The following PRPF6 variants were observed in gnomAD, a reference collection of about 807,000 sequenced individuals.
PRPF6 encodes pre-mRNA processing factor 6.
In PRPF6, 42 loss-of-function variants were observed where a neutral mutation model predicts 118.3. That is an observed-to-expected ratio of 0.35 (90% confidence interval 0.28 to 0.46). PRPF6 has a LOEUF of 0.46. Ranked by LOEUF, PRPF6 falls within the 20% of genes least tolerant of loss-of-function variation. The probability of loss-of-function intolerance (pLI) is 1.00; values close to 1 mark genes in which losing one functional copy is unlikely to be tolerated. For missense variants in PRPF6, 662 were observed against 1,255.7 expected, an observed-to-expected ratio of 0.53 and a Z score of 7.15; for synonymous variants, 481 against 485.1, an observed-to-expected ratio of 0.99 and a Z score of 0.11.
rs112777063 is a variant in PRPF6, at chr20:64,030,997, C to T, written c.2547-921C>T. Among the ~76,000 whole-genome samples, 1,416 of 152,370 alleles carry T rather than the reference C, an allele frequency of 9.3e-3. 30 individuals are homozygous for T. The highest frequency in any genetic ancestry group is 0.032 in the African/African-American group (1,342 of 41,584). On this transcript the variant is annotated intron_variant, in intron 19 of 20. Coordinates refer to ENST00000266079, the MANE Select transcript of PRPF6 (RefSeq NM_012469.4). ...GCCAGCATGCTCAGCAGCCAGCGCC[C>T]GCCATCCCTTCTCCAGCAGCGGGTG...
chr20:63,982,118 G>A (rs2059072036), intron 1 of PRPF6, among the ~76,000 whole-genome samples: 1 of 152,084 alleles, frequency 6.6e-6, no homozygotes, highest in Non-Finnish European at 1.5e-5. Flanking sequence ...GGCCTTGAGC[G>A]TCAGGCTAGA....
intron 3 of PRPF6, among the ~76,000 whole-genome samples, chr20:63,985,828 TGAA>T (rs2059090647): frequency 1.3e-5 from 2 of 152,186 alleles, no homozygotes; most frequent in Non-Finnish European, 2.9e-5. Context: ...ACCAAATATT[TGAA>T]GAAGAACTAA....
At chr20:64,020,121 AATCCTTTC>A (rs1330617093) in intron 12 of PRPF6, among the ~76,000 whole-genome samples, 1 of 152,184 alleles carries the variant, frequency 6.6e-6, no homozygotes, top group African/African-American at 2.4e-5. Flanking sequence ...TTGGTACAAG[AATCCTTTC>A]AGCGGCCGGG....
chr20:63,996,748 G>A (rs2059142574), intron 6 of PRPF6, among the ~76,000 whole-genome samples: 1 of 152,134 alleles, frequency 6.6e-6, no homozygotes, highest in Non-Finnish European at 1.5e-5. Flanking sequence ...GCAACATGGT[G>A]ATGGTGAGAC....
rs752589974 is a variant in PRPF6, at chr20:63,999,089, C to T, written c.816C>T (p.Gly272=). The change falls in exon 7 of 21, where the codon GGC becomes GGT. Residue 272 remains glycine, a synonymous_variant. Transcript: ENST00000266079. ...GACAGACCGTCGTTGACCCCAAAGG[C>T]TACCTGACGGATTTAAATTCCATGA... ...VSGQTVVDPK[G]YLTDLNSMIP... The T allele has an allele frequency of 6.8e-6, 11 of 1,613,960 alleles. No homozygotes were observed. The highest frequency in any genetic ancestry group is 9.3e-6 in the Non-Finnish European group (11 of 1,179,956).
At chr20:64,018,699 C>G (rs1171697764) in intron 12 of PRPF6, among the ~76,000 whole-genome samples, 1 of 152,082 alleles carries the variant, frequency 6.6e-6, no homozygotes, top group East Asian at 1.9e-4. Flanking sequence ...CTCCTGGCCT[C>G]AAGTGATCCC....
At chr20:64,000,943 T>G in intron 8 of PRPF6, 134 bp from the exon 9 acceptor site, 1 of 847,176 alleles carries the variant, frequency 1.2e-6, no homozygotes, top group East Asian at 2.6e-5. Flanking sequence ...CTGGTGCAGG[T>G]GTGTTAGAGG....
At chr20:63,993,300 C>T in intron 3 of PRPF6, 107 bp from the exon 4 acceptor site, 1 of 540,478 alleles carries the variant, frequency 1.9e-6, no homozygotes, top group Admixed American at 2.4e-5. Flanking sequence ...GATTTAGCTA[C>T]TAAGAGTATG....
Position 63,995,449 on chromosome 20 carries a change from G to C in PRPF6, c.738G>C (p.Ala246=). The change falls in exon 6 of 21, where the codon GCG becomes GCC. Residue 246 remains alanine, a synonymous_variant. Transcript: ENST00000266079. ...GELDMRKIGQ[A]RNTLMDMRLS... ...TGGACATGAGGAAGATTGGCCAAGC[G>C]AGGAACACTCTGATGGACATGAGGC... 3 of 1,614,134 alleles carry C rather than the reference G, an allele frequency of 1.9e-6. No individual in the cohort carries two copies. Among genetic ancestry groups the C allele is most frequent in the African/African-American group, 2.7e-5 (2 of 75,016 alleles).
chr20:64,011,124 T>C lies in PRPF6; in HGVS notation c.1306-161T>C, dbSNP rs1375464560. ...AAGCATAAAGGAACAGTTGGTCAGG[T>C]GAGAAGTGCTGCTGTGGACACTTCT... On this transcript the variant is annotated intron_variant, in intron 10 of 20. Transcript: ENST00000266079. This position sits in a 1 kb window ranked among gnomAD's most constrained non-coding sequence, Gnocchi z 6.7. 4.6e-5 allele frequency among the ~76,000 whole-genome samples: 7 copies of C among 152,196 alleles called. No individual in the cohort carries two copies. The highest frequency in any genetic ancestry group is 7.3e-5 in the Non-Finnish European group (5 of 68,044).
chr20:63,992,577 G>A (rs144217337), intron 3 of PRPF6, among the ~76,000 whole-genome samples: 2 of 152,144 alleles, frequency 1.3e-5, no homozygotes, highest in African/African-American at 4.8e-5. Flanking sequence ...TTTATGGGAT[G>A]GTCCTACCTT....
At chr20:63,999,366 A>G (rs530438470) in intron 7 of PRPF6, among the ~76,000 whole-genome samples, 1 of 152,370 alleles carries the variant, frequency 6.6e-6, no homozygotes, top group Non-Finnish European at 1.5e-5. Flanking sequence ...TGGGCAGGAA[A>G]GCAGCTGGCT....
chr20:64,013,942 G>T (rs2059226504), intron 11 of PRPF6, among the ~76,000 whole-genome samples: 1 of 147,218 alleles, frequency 6.8e-6, no homozygotes, highest in African/African-American at 2.5e-5. Flanking sequence ...TTTTGTTTTT[G>T]TTTTTTTTTT....
intron 13 of PRPF6, among the ~76,000 whole-genome samples, chr20:64,023,703 A>G (rs1025327053): frequency 6.6e-6 from 1 of 152,190 alleles, no homozygotes; most frequent in East Asian, 1.9e-4. Context: ...ACGTTTTGAA[A>G]TGGCTGCCAT....
chr20:63,983,368 G>A (rs1325093480), intron 2 of PRPF6, among the ~76,000 whole-genome samples, 153 bp downstream of exon 2: 1 of 152,168 alleles, frequency 6.6e-6, no homozygotes, highest in East Asian at 1.9e-4. Flanking sequence ...AGAGTGAGAG[G>A]GAGCAGGAAA....
intron 9 of PRPF6, among the ~76,000 whole-genome samples, chr20:64,007,359 C>T (rs916177189): frequency 2.0e-5 from 3 of 151,266 alleles, no homozygotes; most frequent in African/African-American, 4.9e-5. Context: ...AGCTCACTTG[C>T]CCTCTCCCCT....
At chr20:63,993,353 T>C in intron 3 of PRPF6, 54 bp from the exon 4 acceptor site, 2 of 1,356,252 alleles carry the variant, frequency 1.5e-6, no homozygotes, top group Non-Finnish European at 2.1e-6. Context: ...GATAATAAAT[T>C]TGCTTCAGAA....
At chr20:63,999,177 C>T in intron 7 of PRPF6, 38 bp downstream of exon 7, 3 of 1,551,022 alleles carry the variant, frequency 1.9e-6, no homozygotes, top group African/African-American at 1.4e-5. Flanking sequence ...GGGATGGAGA[C>T]TCTAGTTGCC....
chr20:64,024,132 T>C (rs1055190741), intron 13 of PRPF6, among the ~76,000 whole-genome samples: 1 of 152,192 alleles, frequency 6.6e-6, no homozygotes, highest in Admixed American at 6.5e-5. Context: ...ACTTTCTTCC[T>C]ATAAGATAAT....
Sources: gnomAD v4.1 joint callset for allele counts (sites outside exome capture counted in the v4.1 genomes callset) on GRCh38, gnomAD v4.1.1 for gene constraint, Gnocchi (gnomAD v3.1) non-coding constraint, MANE v1.5 for transcripts, NCBI Gene and HGNC (gene_info 2026-07-23, HGNC 2026-07-21) for gene names.